TRRAP: variants seen among roughly 807,000 people sequenced by gnomAD.
TRRAP encodes transformation/transcription domain associated protein.
Under a neutral mutation model 438.8 loss-of-function variants are expected in TRRAP, and 41 were observed. The observed-to-expected ratio is 0.09, with a 90% CI of 0.07 to 0.12. The LOEUF is 0.12. TRRAP is among the 10% of genes least tolerant of loss of function. TRRAP has a pLI of 1.00. For missense variants in TRRAP, 3,122 were observed against 5,055.1 expected, an observed-to-expected ratio of 0.62 and a Z score of 11.60; for synonymous variants, 1,994 against 1,962.9, an observed-to-expected ratio of 1.02 and a Z score of -0.42.
At chr7:98,959,265 A>T in intron 44 of TRRAP, 79 bp from the exon 45 acceptor site, 1 of 1,563,956 alleles carries the variant, frequency 6.4e-7, no homozygotes, top group Non-Finnish European at 8.7e-7. Flanking sequence ...GCCAGGGCAC[A>T]GTTGAGACGT....
chr7:98,925,461 A>G (rs1178957207), intron 22 of TRRAP, among the ~76,000 whole-genome samples, 198 bp downstream of exon 22: 1 of 152,166 alleles, frequency 6.6e-6, no homozygotes, highest in African/African-American at 2.4e-5. Context: ...ATTAGAAGGG[A>G]TCACAGTTGT....
At chr7:98,974,818 C>CT (rs1792578637) in intron 53 of TRRAP, among the ~76,000 whole-genome samples, 1 of 152,234 alleles carries the variant, frequency 6.6e-6, no homozygotes, top group Non-Finnish European at 1.5e-5. Flanking sequence ...CCATAGGCAT[C>CT]TCCTTAAACC....
chr7:98,987,194 G>T (rs1199399569), intron 62 of TRRAP, among the ~76,000 whole-genome samples: 2 of 152,122 alleles, frequency 1.3e-5, no homozygotes, highest in African/African-American at 4.8e-5. Flanking sequence ...CTATTCCATT[G>T]ATCTGCTATG....
chr7:98,922,763 C>G (rs1484607429), intron 21 of TRRAP, among the ~76,000 whole-genome samples: 1 of 152,062 alleles, frequency 6.6e-6, no homozygotes, highest in Non-Finnish European at 1.5e-5. Context: ...GAGCCTCTTG[C>G]AGATCTGATC....
Position 98,958,006 on chromosome 7 carries a change from C to T in TRRAP, c.6257C>T (p.Pro2086Leu). 1 of 1,614,168 alleles carries T rather than the reference C, an allele frequency of 6.2e-7. No homozygotes were observed. Among genetic ancestry groups the T allele is most frequent in the Non-Finnish European group, 8.5e-7 (1 of 1,180,030 alleles). The change falls in exon 44 of 73, where the codon CCT (proline) becomes CTT (leucine). Residue 2086 changes from proline to leucine, a missense_variant. Pro to Leu is a moderately conservative substitution (Grantham distance 98, BLOSUM62 -3). Around this residue, in one of 24 missense-constraint regions of TRRAP, gnomAD observed 992 missense variants for 1,281.2 expected, o/e 0.77. Coordinates refer to ENST00000456197, the MANE Select transcript of TRRAP (RefSeq NM_001375524.1). Reference protein sequence around the residue: ...SAVFGRSQSLPGADSLLAKPI... With the variant: ...SAVFGRSQSLLGADSLLAKPI... Reference sequence around the variant, plus strand: ...GTCTTTGGGAGGAGCCAGTCGCTACCTGGAGCAGACTCTCTCCTCGCCAAG... The same window carrying T: ...GTCTTTGGGAGGAGCCAGTCGCTACTTGGAGCAGACTCTCTCCTCGCCAAG...
chr7:98,978,011 G>C (rs1792744652), intron 56 of TRRAP, among the ~76,000 whole-genome samples, 200 bp from the exon 57 acceptor site: 1 of 152,228 alleles, frequency 6.6e-6, no homozygotes, highest in African/African-American at 2.4e-5. Context: ...GCCAGGTGCA[G>C]GCAGGCACCT....
intron 27 of TRRAP, among the ~76,000 whole-genome samples, 159 bp downstream of exon 27, chr7:98,933,561 G>A (rs1403013725): frequency 6.6e-6 from 1 of 152,092 alleles, no homozygotes; most frequent in Non-Finnish European, 1.5e-5. Context: ...GAGCAGGTAT[G>A]TTGCGTCTGG....
At chr7:98,951,028 G>C (rs372734904) in intron 39 of TRRAP, 24 bp downstream of exon 39, 7 of 1,559,318 alleles carry the variant, frequency 4.5e-6, no homozygotes, top group Non-Finnish European at 6.1e-6. Context: ...GTGTGTGGGT[G>C]TGAGAAGTAG....
At chr7:98,939,865 C>G (rs1790715263) in intron 30 of TRRAP, among the ~76,000 whole-genome samples, 1 of 152,086 alleles carries the variant, frequency 6.6e-6, no homozygotes, top group South Asian at 2.1e-4. Context: ...CCTGAAGCAG[C>G]TTTGGTTTGT....
intron 58 of TRRAP, among the ~76,000 whole-genome samples, 185 bp from the exon 59 acceptor site, chr7:98,981,584 A>C (rs1441752645): frequency 6.6e-6 from 1 of 152,206 alleles, no homozygotes; most frequent in Admixed American, 6.5e-5. Context: ...TTAGAAAAGG[A>C]GAGTATCCAG....
At position 98,906,189 on chromosome 7, in the gene TRRAP, G is replaced by A. The variant is rs782499196; in HGVS notation, c.1049G>A (p.Cys350Tyr). The A allele has an allele frequency of 5.0e-6, 8 of 1,613,638 alleles. No individual in the cohort carries two copies. Among genetic ancestry groups the A allele is most frequent in the Non-Finnish European group, 5.9e-6 (7 of 1,179,796 alleles). ...GTTTGTCTTCTAGAGTTCATTCCTT[G>A]CATGGACAAGCTGTTTGATGAATCC... ...TTELRNQFIP[C>Y]MDKLFDESIL... The change falls in exon 13 of 73, where the codon TGC becomes TAC. Residue 350 changes from cysteine (C) to tyrosine (Y), a missense_variant. Transcript: ENST00000456197.
At position 98,921,762 on chromosome 7, in the gene TRRAP, C is replaced by T. The variant is rs201802078; in HGVS notation, c.2632C>T (p.Arg878Cys). ...GCACGCTGATTTTCAGGCTCTGTGGCGCACCTTACGCAACCCTGCTGACAG... is the reference window on the plus strand; with the variant it reads ...GCACGCTGATTTTCAGGCTCTGTGGTGCACCTTACGCAACCCTGCTGACAG... The part of the protein sequence containing the change: ...VRAELMQALW[R>C]TLRNPADSIS... Residue 878 changes from arginine to cysteine, a missense_variant, in exon 21 of 73, where the codon CGC (arginine) becomes TGC (cysteine). Arg to Cys is a radical substitution (Grantham distance 180, BLOSUM62 -3). Transcript: ENST00000456197. The T allele has an allele frequency of 3.1e-6, 5 of 1,614,074 alleles. No homozygotes were observed. Among genetic ancestry groups the T allele is most frequent in the East Asian group, 2.2e-5 (1 of 44,882 alleles).
chr7:98,978,936 C>T (rs1299595155), intron 58 of TRRAP, 32 bp downstream of exon 58: 6 of 1,611,208 alleles, frequency 3.7e-6, no homozygotes, highest in Admixed American at 3.3e-5. Context: ...CCTGCCGCTG[C>T]CTGGGTCCCT....
intron 47 of TRRAP, among the ~76,000 whole-genome samples, chr7:98,963,635 C>T (rs906104494): frequency 6.6e-6 from 1 of 152,226 alleles, no homozygotes; most frequent in East Asian, 1.9e-4. Flanking sequence ...ATTTCCATCA[C>T]TGTCATCAAG....
At chr7:98,960,908 G>A (rs867706582) in intron 45 of TRRAP, among the ~76,000 whole-genome samples, 4 of 152,032 alleles carry the variant, frequency 2.6e-5, no homozygotes, top group Non-Finnish European at 4.4e-5. Context: ...TAACCACTGC[G>A]CCTGGCCTGG....
At chr7:98,990,989 A>G (rs1191563441) in intron 64 of TRRAP, among the ~76,000 whole-genome samples, 1 of 152,194 alleles carries the variant, frequency 6.6e-6, no homozygotes, top group Admixed American at 6.5e-5. Context: ...TTTTTGTCAT[A>G]TGCTGGGAGC....
At chr7:98,993,366 C>T (rs1378388924) in intron 65 of TRRAP, among the ~76,000 whole-genome samples, 172 bp from the exon 66 acceptor site, 2 of 152,266 alleles carry the variant, frequency 1.3e-5, no homozygotes, top group African/African-American at 4.8e-5. Context: ...CCTCAGCGCA[C>T]CTGCGCCTAG....
chr7:99,005,463 C>T lies in TRRAP; in HGVS notation c.10753+115C>T, dbSNP rs1346266014. On this transcript the variant is annotated intron_variant, in intron 69 of 72. Transcript: ENST00000456197. This position sits in a 1 kb window ranked among gnomAD's most constrained non-coding sequence, Gnocchi z 5.1. The stretch of plus-strand genomic sequence containing the variant: ...ACGTTAGCCTTTGAGGGTCCAGCTG[C>T]GTCAGCAGAGAATGTTGTAGTCTGT... The T allele has an allele frequency of 3.1e-6, 3 of 977,326 alleles. No homozygotes were observed. The highest frequency in any genetic ancestry group is 2.4e-5 in the East Asian group (1 of 40,958). The allele number at this position is 977,326 out of a possible 1,614,324, so 60.5% of individuals were successfully genotyped here.
intron 69 of TRRAP, among the ~76,000 whole-genome samples, chr7:99,008,051 C>G (rs753118723): frequency 7.2e-5 from 11 of 151,934 alleles, no homozygotes; most frequent in East Asian, 2.0e-4. Context: ...GTCTCGATCT[C>G]CTGACCTCGT....
Sources: allele counts gnomAD v4.1 joint callset (sites outside exome capture counted in the v4.1 genomes callset), GRCh38; gene constraint gnomAD v4.1.1; regional missense constraint gnomAD v4.1.1; non-coding constraint Gnocchi (gnomAD v3.1); transcripts MANE v1.5; gene names NCBI Gene and HGNC (gene_info 2026-07-23, HGNC 2026-07-21).